C2CD4B: variants seen among roughly 807,000 people sequenced by gnomAD.
C2CD4B encodes C2 calcium dependent domain containing 4B, also known as C2 calcium-dependent domain-containing protein 4B.
For synonymous variants in C2CD4B, 347 were observed against 284.9 expected (o/e 1.22, Z -2.20); for missense variants, 644 against 577.7 (o/e 1.11, Z -1.18).
rs1381333640 is a variant in C2CD4B at position 62,163,794 on chromosome 15, A to G, written c.*96T>C. 3 of 1,345,792 alleles carry G rather than the reference A, an allele frequency of 2.2e-6. No homozygotes were observed. The highest frequency in any genetic ancestry group is 2.9e-6 in the Non-Finnish European group (3 of 1,046,800). 83.4% of individuals were successfully genotyped at this position (1,345,792 alleles called of 1,614,324 possible). ...GGAAGTAAAACGTCAATAAAGCAGTATCATAAATAAAAAAATAAATAACGT... is the reference window on the plus strand; with the variant it reads ...GGAAGTAAAACGTCAATAAAGCAGTGTCATAAATAAAAAAATAAATAACGT... On this transcript the variant is annotated 3_prime_UTR_variant, in exon 2 of 2. Coordinates refer to ENST00000380392, the MANE Select transcript of C2CD4B (RefSeq NM_001007595.3).
intron 1 of C2CD4B, 36 bp downstream of exon 1, chr15:62,165,159 C>A (rs150159741): frequency 1.5e-6 from 1 of 649,724 alleles, no homozygotes; most frequent in East Asian, 3.4e-5. Flanking sequence ...GCCTTCCTCT[C>A]CCCTGCACCC....
chr15:62,165,263 C>T lies in C2CD4B; in HGVS notation c.-109G>A. On this transcript the variant is annotated 5_prime_UTR_variant, in exon 1 of 2. Coordinates refer to ENST00000380392, the MANE Select transcript of C2CD4B (RefSeq NM_001007595.3). ...GTGCCAGTGGCCTCTAGCCCGCTGC[C>T]GAGGCGCCACCTTCAGTACTGCGGC... The T allele has an allele frequency of 2.5e-6, 1 of 403,014 alleles. No individual in the cohort carries two copies. 25.0% of individuals were successfully genotyped at this position (403,014 alleles called of 1,614,324 possible). A position where few individuals can be genotyped will look rare whatever the true frequency, so the allele number is the denominator to read the frequency against.
In C2CD4B at chr15:62,163,613, T is replaced by G; in HGVS notation, c.*277A>C. 1 of 380,886 alleles carries G rather than the reference T, an allele frequency of 2.6e-6. No individual in the cohort carries two copies. The highest frequency in any genetic ancestry group is 3.9e-5 in the East Asian group (1 of 25,880). 23.6% of individuals were successfully genotyped at this position (380,886 alleles called of 1,614,324 possible). A position where few individuals can be genotyped will look rare whatever the true frequency, so the allele number is the denominator to read the frequency against. ...CGGAAGGAATTAAAAACAATGCAGATGGGTGTACTTCCTTTCTCTCCCAGT... is the reference window on the plus strand; with the variant it reads ...CGGAAGGAATTAAAAACAATGCAGAGGGGTGTACTTCCTTTCTCTCCCAGT... On this transcript the variant is annotated 3_prime_UTR_variant, in exon 2 of 2. Coordinates refer to ENST00000380392, the MANE Select transcript of C2CD4B (RefSeq NM_001007595.3).
At position 62,164,072 on chromosome 15, in the gene C2CD4B, C is replaced by G. The variant is rs3195592; in HGVS notation, c.913G>C (p.Ala305Pro). 1.3e-6 allele frequency: 2 copies of G among 1,569,228 alleles called. No individual in the cohort carries two copies. The highest frequency in any genetic ancestry group is 1.7e-6 in the Non-Finnish European group (2 of 1,163,750). Residue 305 changes from alanine to proline, a missense_variant, in exon 2 of 2, where the codon GCT becomes CCT. Transcript: ENST00000380392. Reference protein sequence around the residue: ...PPGTARWQCSAVVGRSRKASF... With the variant: ...PPGTARWQCSPVVGRSRKASF... Reference sequence around the variant, plus strand: ...GCCTTGCGGCTGCGCCCCACCACAGCGCTGCATTGCCAACGCGCAGTGCCC... The same window carrying G: ...GCCTTGCGGCTGCGCCCCACCACAGGGCTGCATTGCCAACGCGCAGTGCCC...
Position 62,164,215 on chromosome 15 carries a change from T to G in C2CD4B, c.770A>C (p.Glu257Ala). The part of the protein sequence containing the change: ...RAGDALRLAA[E>A]YCPGTRRLRL... ...GAGACGCCGGGTTCCCGGACAGTAC[T>G]CAGCAGCCAGGCGCAGGGCGTCGCC... The change falls in exon 2 of 2, where the codon GAG (glutamate) becomes GCG (alanine). Residue 257 changes from glutamate to alanine, a missense_variant. Coordinates refer to ENST00000380392, the MANE Select transcript of C2CD4B (RefSeq NM_001007595.3). 1 of 1,471,412 alleles carries G rather than the reference T, an allele frequency of 6.8e-7. No homozygotes were observed. The highest frequency in any genetic ancestry group is 8.9e-7 in the Non-Finnish European group (1 of 1,119,406). 91.1% of individuals were successfully genotyped at this position (1,471,412 alleles called of 1,614,324 possible).
chr15:62,164,987 T>A lies in C2CD4B; in HGVS notation c.-3A>T. 6.6e-7 allele frequency: 1 copy of A among 1,515,292 alleles called. No individual in the cohort carries two copies. The highest frequency in any genetic ancestry group is 8.8e-7 in the Non-Finnish European group (1 of 1,133,340). 93.9% of individuals were successfully genotyped at this position (1,515,292 alleles called of 1,614,324 possible). On this transcript the variant is annotated 5_prime_UTR_variant, in exon 2 of 2. It adds an upstream start codon to the 5' untranslated region. Coordinates refer to ENST00000380392, the MANE Select transcript of C2CD4B (RefSeq NM_001007595.3). ...CAGAGTTTCTCGAGGAGCCGCATCC[T>A]TGGAGGCTGGGGCTAGGAGTGGCGG...
chr15:62,165,079 G>C (rs2049603086), intron 1 of C2CD4B, 55 bp from the exon 2 acceptor site: 5 of 1,391,188 alleles, frequency 3.6e-6, no homozygotes, highest in South Asian at 1.5e-5. Flanking sequence ...GCAGCCCCTC[G>C]ACGCGGCTGG....
intron 1 of C2CD4B, 61 bp from the exon 2 acceptor site, chr15:62,165,085 G>C: frequency 7.3e-7 from 1 of 1,371,514 alleles, no homozygotes; most frequent in South Asian, 1.5e-5. Context: ...CCTCGACGCG[G>C]CTGGATCCCT....
At position 62,164,557 on chromosome 15, in the gene C2CD4B, A is replaced by G; in HGVS notation, c.428T>C (p.Leu143Pro). The change falls in exon 2 of 2, where the codon CTG (leucine) becomes CCG (proline). Residue 143 changes from leucine to proline, a missense_variant. Coordinates refer to ENST00000380392, the MANE Select transcript of C2CD4B (RefSeq NM_001007595.3). ...GGGPDAPLGT[L>P]CGPRGPGPAT... ...CGGGCCCGGACCTCGCGGGCCGCAC[A>G]GGGTCCCCAGGGGGGCGTCCGGGCC... 21 of 1,162,102 alleles carry G rather than the reference A, an allele frequency of 1.8e-5. No individual in the cohort carries two copies. The highest frequency in any genetic ancestry group is 2.2e-5 in the Non-Finnish European group (21 of 945,002). The allele number at this position is 1,162,102 out of a possible 1,614,324, so 72.0% of individuals were successfully genotyped here.
chr15:62,164,041 A>C lies in C2CD4B; in HGVS notation c.944T>G (p.Phe315Cys). ...AVVGRSRKAS[F>C]DQDFCFDGLS... ...GCCGTCGAAGCAAAAGTCCTGGTCA[A>C]AGGAGGCCTTGCGGCTGCGCCCCAC... is the stretch of plus-strand genomic sequence containing the variant. Residue 315 changes from phenylalanine (F) to cysteine (C), a missense_variant, in exon 2 of 2, where the codon TTT becomes TGT. Physicochemically the swap from Phe to Cys is radical, Grantham distance 205 (BLOSUM62 -2). Coordinates refer to ENST00000380392, the MANE Select transcript of C2CD4B (RefSeq NM_001007595.3). 1 of 1,597,590 alleles carries C rather than the reference A, an allele frequency of 6.3e-7. No homozygotes were observed. The highest frequency in any genetic ancestry group is 1.1e-5 in the South Asian group (1 of 88,638).
rs887105259 is a variant in C2CD4B, at chr15:62,164,633, C to G, written c.352G>C (p.Gly118Arg). The stretch of plus-strand genomic sequence containing the variant: ...CGGGGCCGGGGCGCGGGCGGGCCCC[C>G]GAGCAGGAGCGACTCCTTGCGGCGC... ...HTRRKESLLL[G>R]GPPAPRPRAH... Residue 118 changes from glycine to arginine, a missense_variant, in exon 2 of 2, where the codon GGG becomes CGG. Physicochemically the swap from Gly to Arg is moderately radical, Grantham distance 125. Coordinates refer to ENST00000380392, the MANE Select transcript of C2CD4B (RefSeq NM_001007595.3). The G allele has an allele frequency of 1.5e-5, 20 of 1,345,774 alleles. No homozygotes were observed. In the Admixed American group the frequency reaches 2.0e-4, roughly 13 times the overall value. 83.4% of individuals were successfully genotyped at this position (1,345,774 alleles called of 1,614,324 possible).
rs766095864 is a variant in C2CD4B at position 62,164,758 on chromosome 15, G to A, written c.227C>T (p.Thr76Met). ...PRAADEDAGRTDWDPRSQAAL... is the reference protein window; with the variant it reads ...PRAADEDAGRMDWDPRSQAAL... ...TGCCTGCGAGCGCGGGTCCCAGTCC[G>A]TGCGGCCGGCGTCCTCGTCTGCCGC... The change falls in exon 2 of 2, where the codon ACG (threonine) becomes ATG (methionine). Residue 76 changes from threonine (T) to methionine (M), a missense_variant. Thr to Met is a moderately conservative substitution (Grantham distance 81, BLOSUM62 -1). Coordinates refer to ENST00000380392, the MANE Select transcript of C2CD4B (RefSeq NM_001007595.3). 1.3e-5 allele frequency: 20 copies of A among 1,484,870 alleles called. No homozygotes were observed. The highest frequency in any genetic ancestry group is 1.8e-5 in the Non-Finnish European group (20 of 1,127,906). 92.0% of individuals were successfully genotyped at this position (1,484,870 alleles called of 1,614,324 possible).
chr15:62,164,503 C>T lies in C2CD4B; in HGVS notation c.482G>A (p.Arg161His). Residue 161 changes from arginine (R) to histidine (H), a missense_variant, in exon 2 of 2, where the codon CGC becomes CAC. Physicochemically the swap from Arg to His is conservative, Grantham distance 29 (BLOSUM62 0). Coordinates refer to ENST00000380392, the MANE Select transcript of C2CD4B (RefSeq NM_001007595.3). Reference protein sequence around the residue: ...PATPAAPGGPRLPQDALAAGP... With the variant: ...PATPAAPGGPHLPQDALAAGP... Reference sequence around the variant, plus strand: ...CGCAGCGAGCGCGTCCTGGGGCAGGCGGGGACCGCCGGGGGCCGCGGGGGT... The same window carrying T: ...CGCAGCGAGCGCGTCCTGGGGCAGGTGGGGACCGCCGGGGGCCGCGGGGGT... 1.7e-6 allele frequency: 2 copies of T among 1,193,312 alleles called. No homozygotes were observed. Among genetic ancestry groups the T allele is most frequent in the Non-Finnish European group, 2.1e-6 (2 of 965,164 alleles). 73.9% of individuals were successfully genotyped at this position (1,193,312 alleles called of 1,614,324 possible). A position where few individuals can be genotyped will look rare whatever the true frequency, so the allele number is the denominator to read the frequency against.
chr15:62,163,802 T>C lies in C2CD4B; in HGVS notation c.*88A>G. ...AACGTCAATAAAGCAGTATCATAAA[T>C]AAAAAAATAAATAACGTTTATTCTG... On this transcript the variant is annotated 3_prime_UTR_variant, in exon 2 of 2. Transcript: ENST00000380392. 1 of 1,353,590 alleles carries C rather than the reference T, an allele frequency of 7.4e-7. No homozygotes were observed. The highest frequency in any genetic ancestry group is 9.5e-7 in the Non-Finnish European group (1 of 1,054,004). 83.8% of individuals were successfully genotyped at this position (1,353,590 alleles called of 1,614,324 possible). A position where few individuals can be genotyped will look rare whatever the true frequency, so the allele number is the denominator to read the frequency against.
rs1375121217 is a variant in C2CD4B at position 62,164,766 on chromosome 15, G to A, written c.219C>T (p.Ala73=). 2.6e-5 allele frequency: 39 copies of A among 1,483,566 alleles called. No individual in the cohort carries two copies. Among genetic ancestry groups the A allele is most frequent in the Non-Finnish European group, 3.4e-5 (38 of 1,127,352 alleles). The allele number at this position is 1,483,566 out of a possible 1,614,324, so 91.9% of individuals were successfully genotyped here. A position where few individuals can be genotyped will look rare whatever the true frequency, so the allele number is the denominator to read the frequency against. ...AGCGCGGGTCCCAGTCCGTGCGGCC[G>A]GCGTCCTCGTCTGCCGCGCGGGGCC... ...DLWPRAADED[A]GRTDWDPRSQ... is the part of the protein sequence containing the mutation. The change falls in exon 2 of 2, where the codon GCC becomes GCT. Residue 73 remains alanine, a synonymous_variant. Transcript: ENST00000380392.
In C2CD4B at chr15:62,164,232, G is replaced by T; in HGVS notation, c.753C>A (p.Ala251=). 6.9e-7 allele frequency: 1 copy of T among 1,458,240 alleles called. No homozygotes were observed. Among genetic ancestry groups the T allele is most frequent in the Non-Finnish European group, 9.0e-7 (1 of 1,113,382 alleles). 90.3% of individuals were successfully genotyped at this position (1,458,240 alleles called of 1,614,324 possible). A position where few individuals can be genotyped will look rare whatever the true frequency, so the allele number is the denominator to read the frequency against. Reference sequence around the variant, plus strand: ...GACAGTACTCAGCAGCCAGGCGCAGGGCGTCGCCGGCGCGGCCCAGAGCCA... The same window carrying T: ...GACAGTACTCAGCAGCCAGGCGCAGTGCGTCGCCGGCGCGGCCCAGAGCCA... ...GTVALGRAGD[A]LRLAAEYCPG... Residue 251 remains alanine (A), a synonymous_variant, in exon 2 of 2, where the codon GCC becomes GCA. Transcript: ENST00000380392.
In C2CD4B at chr15:62,164,015, G is replaced by C; in HGVS notation, c.970C>G (p.Leu324Val). The C allele has an allele frequency of 6.2e-7, 1 of 1,601,690 alleles. No individual in the cohort carries two copies. The highest frequency in any genetic ancestry group is 8.5e-7 in the Non-Finnish European group (1 of 1,176,368). Residue 324 changes from leucine (L) to valine (V), a missense_variant, in exon 2 of 2, where the codon CTC becomes GTC. Leu to Val is a conservative substitution (Grantham distance 32). Coordinates refer to ENST00000380392, the MANE Select transcript of C2CD4B (RefSeq NM_001007595.3). ...SFDQDFCFDG[L>V]SEDEVRRLAV... ...AGGCGGCGCACCTCGTCTTCCGAGA[G>C]GCCGTCGAAGCAAAAGTCCTGGTCA... is the stretch of plus-strand genomic sequence containing the variant.
chr15:62,165,197 T>C lies in C2CD4B; in HGVS notation c.-43A>G. 1.9e-6 allele frequency: 1 copy of C among 525,670 alleles called. No individual in the cohort carries two copies. 32.6% of individuals were successfully genotyped at this position (525,670 alleles called of 1,614,324 possible). ...AACAAATCAGCCCCGCTTCAGACCTTTCTCTCTTCTTCAGTGTCTCTGGAT... is the reference window on the plus strand; with the variant it reads ...AACAAATCAGCCCCGCTTCAGACCTCTCTCTCTTCTTCAGTGTCTCTGGAT... On this transcript the variant is annotated splice_region_variant and 5_prime_UTR_variant, in exon 1 of 2. Transcript: ENST00000380392.
Position 62,164,496 on chromosome 15 carries a change from G to A in C2CD4B, c.489C>T (p.Pro163=). The change falls in exon 2 of 2, where the codon CCC becomes CCT. Residue 163 remains proline, a synonymous_variant. Transcript: ENST00000380392. ...GGGGCCCCGCAGCGAGCGCGTCCTG[G>A]GGCAGGCGGGGACCGCCGGGGGCCG... ...TPAAPGGPRL[P]QDALAAGPRR... is the part of the protein sequence containing the mutation. 1 of 1,220,830 alleles carries A rather than the reference G, an allele frequency of 8.2e-7. No homozygotes were observed. Among genetic ancestry groups the A allele is most frequent in the Non-Finnish European group, 1.0e-6 (1 of 983,828 alleles). 75.6% of individuals were successfully genotyped at this position (1,220,830 alleles called of 1,614,324 possible). A position where few individuals can be genotyped will look rare whatever the true frequency, so the allele number is the denominator to read the frequency against.
Sources: allele counts gnomAD v4.1 joint callset, GRCh38; gene constraint gnomAD v4.1.1; transcripts MANE v1.5; gene names NCBI Gene and HGNC (gene_info 2026-07-23, HGNC 2026-07-21).